The following GLP2R variants were observed in gnomAD, a reference collection of about 807,000 sequenced individuals.
The protein encoded by GLP2R is glucagon like peptide 2 receptor.
Under a neutral mutation model 68.2 loss-of-function variants are expected in GLP2R, and 59 were observed. The observed-to-expected ratio is 0.87, with a 90% CI of 0.70 to 1.07. The LOEUF (loss-of-function observed/expected upper bound fraction) is 1.07. Ranked by LOEUF, GLP2R falls within the 50% of genes least tolerant of loss-of-function variation. The pLI, the probability that GLP2R is intolerant of heterozygous loss-of-function variation, is 0.00. For synonymous variants in GLP2R, 270 were observed against 265.4 expected, an observed-to-expected ratio of 1.02 and a Z score of -0.17; for missense variants, 548 against 677.4, an observed-to-expected ratio of 0.81 and a Z score of 2.12.
At chr17:9,880,592 T>A in intron 11 of GLP2R, 76 bp downstream of exon 11, 1 of 984,502 alleles carries the variant, frequency 1.0e-6, no homozygotes, top group South Asian at 1.8e-5. Flanking sequence ...GGCTCAGAAT[T>A]AAGGAGCCCG....
intron 3 of GLP2R, among the ~76,000 whole-genome samples, chr17:9,841,938 T>G (rs2066791098): frequency 6.6e-6 from 1 of 152,196 alleles, no homozygotes; most frequent in African/African-American, 2.4e-5. Context: ...GGGATTTTTC[T>G]CATCATTTTC....
At chr17:9,869,336 C>A (rs1431244171) in intron 9 of GLP2R, among the ~76,000 whole-genome samples, 1 of 152,242 alleles carries the variant, frequency 6.6e-6, no homozygotes, top group African/African-American at 2.4e-5. Flanking sequence ...ACTGGCTCTT[C>A]ATTGCTTTCA....
At chr17:9,831,289 G>T (rs753996197) in intron 1 of GLP2R, among the ~76,000 whole-genome samples, 2 of 152,072 alleles carry the variant, frequency 1.3e-5, no homozygotes, top group Non-Finnish European at 2.9e-5. Context: ...CTCATCCTCC[G>T]TCTCACAAGT....
At chr17:9,841,050 T>C (rs2066781829) in intron 3 of GLP2R, among the ~76,000 whole-genome samples, 1 of 145,662 alleles carries the variant, frequency 6.9e-6, no homozygotes, top group African/African-American at 2.6e-5. Flanking sequence ...AGAGTCTCCC[T>C]CTGTCACCCA....
At chr17:9,841,086 A>G (rs2152033304) in intron 3 of GLP2R, among the ~76,000 whole-genome samples, 1 of 147,994 alleles carries the variant, frequency 6.8e-6, no homozygotes, top group East Asian at 2.0e-4. Flanking sequence ...GCGTGATCTC[A>G]GCTCACTGCA....
chr17:9,857,929 A>G (rs1408780863), intron 6 of GLP2R, among the ~76,000 whole-genome samples: 1 of 152,216 alleles, frequency 6.6e-6, no homozygotes, highest in Non-Finnish European at 1.5e-5. Context: ...GGGATAGAAG[A>G]TACCTGGGAA....
At chr17:9,840,772 G>C (rs2066778774) in intron 3 of GLP2R, among the ~76,000 whole-genome samples, 1 of 152,162 alleles carries the variant, frequency 6.6e-6, no homozygotes, top group Non-Finnish European at 1.5e-5. Flanking sequence ...AAAGGTAAAG[G>C]TTTTAGAGGG....
At chr17:9,853,541 C>T (rs1447310384) in intron 4 of GLP2R, among the ~76,000 whole-genome samples, 1 of 152,182 alleles carries the variant, frequency 6.6e-6, no homozygotes, top group Non-Finnish European at 1.5e-5. Flanking sequence ...TGGAACATCA[C>T]TACTGATACT....
intron 10 of GLP2R, among the ~76,000 whole-genome samples, chr17:9,871,427 T>G (rs1002466646): frequency 6.6e-6 from 1 of 152,088 alleles, no homozygotes; most frequent in African/African-American, 2.4e-5. Flanking sequence ...GGCAGTTGCC[T>G]TCCTTGGGGA....
intron 11 of GLP2R, among the ~76,000 whole-genome samples, chr17:9,883,944 C>T (rs1035597727): frequency 6.6e-6 from 1 of 152,066 alleles, no homozygotes; most frequent in East Asian, 1.9e-4. Context: ...AAGGTAGATA[C>T]ACAGGTAAAT....
At chr17:9,849,000 C>T (rs373970479) in intron 4 of GLP2R, among the ~76,000 whole-genome samples, 69 of 146,322 alleles carry the variant, frequency 4.7e-4, no homozygotes, top group African/African-American at 1.7e-3. Context: ...TTAAAAAGTG[C>T]GTCTATTCTT....
chr17:9,864,743 G>A (rs762767703), intron 9 of GLP2R, among the ~76,000 whole-genome samples: 21 of 151,932 alleles, frequency 1.4e-4, no homozygotes, highest in Non-Finnish European at 2.2e-4. Flanking sequence ...GGCTGGTCTC[G>A]AACTCCTGAC....
At chr17:9,873,330 G>T (rs1241899124) in intron 10 of GLP2R, among the ~76,000 whole-genome samples, 1 of 152,088 alleles carries the variant, frequency 6.6e-6, no homozygotes, top group African/African-American at 2.4e-5. Flanking sequence ...TGGCACCTTC[G>T]CCATGCCCAA....
At position 9,870,740 on chromosome 17, in the gene GLP2R, T is replaced by C. The variant is rs17810279; in HGVS notation, c.1057-7T>C. 18 of 1,423,448 alleles carry C rather than the reference T, an allele frequency of 1.3e-5. No homozygotes were observed. Among genetic ancestry groups the C allele is most frequent in the Non-Finnish European group, 1.8e-5 (18 of 1,005,098 alleles). The allele number at this position is 1,423,448 out of a possible 1,614,324, so 88.2% of individuals were successfully genotyped here. On this transcript the variant is annotated splice_region_variant and splice_polypyrimidine_tract_variant and intron_variant, in intron 9 of 12. Transcript: ENST00000262441. ...CTTACTTACCCAATTCTGCTCTTTTTTTCAAGGTCAATTTCTTCATCTTCC... is the reference window on the plus strand; with the variant it reads ...CTTACTTACCCAATTCTGCTCTTTTCTTCAAGGTCAATTTCTTCATCTTCC...
chr17:9,846,548 G>A (rs946952843), intron 4 of GLP2R, among the ~76,000 whole-genome samples: 1 of 152,190 alleles, frequency 6.6e-6, no homozygotes, highest in Non-Finnish European at 1.5e-5. Context: ...AGCCCCAGGA[G>A]GTTGAGACTG....
At position 9,890,389 on chromosome 17, in the gene GLP2R, C is replaced by T. The variant is rs2067281484; in HGVS notation, c.*684C>T. 1 of 227,120 alleles carries T rather than the reference C, an allele frequency of 4.4e-6. No individual in the cohort carries two copies. Among genetic ancestry groups the T allele is most frequent in the African/African-American group, 2.3e-5 (1 of 43,118 alleles). The allele number at this position is 227,120 out of a possible 1,614,324, so 14.1% of individuals were successfully genotyped here. ...CTCCACCCACCAGAGTGCCACTCCT[C>T]TCTGCTCTTCCTCTCCTATCAAGTC... On this transcript the variant is annotated 3_prime_UTR_variant, in exon 13 of 13. Coordinates refer to ENST00000262441, the MANE Select transcript of GLP2R (RefSeq NM_004246.3).
chr17:9,877,849 C>T (rs188973803), intron 10 of GLP2R, among the ~76,000 whole-genome samples: 1,562 of 144,372 alleles, frequency 0.011, 32 homozygotes, highest in African/African-American at 0.037. Flanking sequence ...TGCACTCCAG[C>T]CTGGGCGACA....
intron 11 of GLP2R, among the ~76,000 whole-genome samples, chr17:9,887,168 C>T (rs1233625760): frequency 1.3e-5 from 2 of 152,012 alleles, no homozygotes; most frequent in Non-Finnish European, 2.9e-5. Context: ...ACTGACAGCC[C>T]TGCCAGAAGC....
At chr17:9,875,730 G>A (rs1567735654) in intron 10 of GLP2R, among the ~76,000 whole-genome samples, 1 of 152,228 alleles carries the variant, frequency 6.6e-6, no homozygotes, top group Non-Finnish European at 1.5e-5. Flanking sequence ...ACAGAGTTCA[G>A]CAGACCGTCA....
Sources: gnomAD v4.1 joint callset for allele counts (sites outside exome capture counted in the v4.1 genomes callset) on GRCh38, gnomAD v4.1.1 for gene constraint, MANE v1.5 for transcripts, NCBI Gene and HGNC (gene_info 2026-07-23, HGNC 2026-07-21) for gene names.